The following GALK1 variants were observed in gnomAD, a reference collection of about 807,000 sequenced individuals.
The protein encoded by GALK1 is galactokinase 1.
A neutral mutation model predicts 38.6 loss-of-function variants in GALK1; 30 were observed. The ratio of observed to expected loss-of-function variants is 0.78; its 90% CI spans 0.58 to 1.05. GALK1 has a LOEUF of 1.05. GALK1 is among the 50% of genes least tolerant of loss of function. The pLI is 0.00. For synonymous variants in GALK1, 240 were observed against 233.6 expected (o/e 1.03, Z -0.25); for missense variants, 512 against 540.5 (o/e 0.95, Z 0.52).
chr17:75,754,422 G>A (rs2061439224), downstream of GALK1: 1 of 886,564 alleles, frequency 1.1e-6, no homozygotes, highest in Non-Finnish European at 1.8e-6. Context: ...CAGGGACAGA[G>A]GGCCTCTGTC....
At chr17:75,764,521 AC>A (rs978217251) in intron 1 of GALK1, 2 of 494,234 alleles carry the variant, frequency 4.0e-6, no homozygotes, top group African/African-American at 3.9e-5. Context: ...CTGCTGTGTG[AC>A]CTCCAGCAGT....
In GALK1 at chr17:75,763,093, C is replaced by T. The variant is rs1177598793; in HGVS notation, c.532G>A (p.Ala178Thr). The change falls in exon 4 of 8, where the codon GCA becomes ACA. Residue 178 changes from alanine (A) to threonine (T), a missense_variant. Coordinates refer to ENST00000588479, the MANE Select transcript of GALK1 (RefSeq NM_000154.2). ...QVCQQAEHSF[A>T]GMPCGIMDQF... ...TCCATGATGCCACAGGGCATCCCTG[C>T]GAAGCTGTGCTCGGCCTGCTGACAC... 7.4e-6 allele frequency: 12 copies of T among 1,612,676 alleles called. No individual in the cohort carries two copies. Among genetic ancestry groups the T allele is most frequent in the Middle Eastern group, 1.6e-4 (1 of 6,062 alleles).
intron 8 of GALK1, chr17:75,751,994 C>T (rs955024849): frequency 6.6e-6 from 5 of 756,922 alleles, no homozygotes; most frequent in Admixed American, 3.5e-5. Context: ...CATATGTCCA[C>T]GCCAGTCATG....
chr17:75,755,863 G>T, downstream of GALK1: 1 of 1,598,878 alleles, frequency 6.3e-7, no homozygotes. Flanking sequence ...GAGGCATGGT[G>T]GCTGCCAGGC....
chr17:75,756,416 C>T, downstream of GALK1: 2 of 1,613,156 alleles, frequency 1.2e-6, no homozygotes, highest in East Asian at 2.2e-5. Flanking sequence ...GTGCCCCCAC[C>T]TGATCCCCCC....
At chr17:75,764,286 G>A (rs563136106) in intron 1 of GALK1, 200 bp from the exon 2 acceptor site, 2 of 760,958 alleles carry the variant, frequency 2.6e-6, no homozygotes, top group Non-Finnish European at 4.8e-6. Context: ...CAGGGGCGGG[G>A]CGGCTGCAGC....
Position 75,763,959 on chromosome 17 carries a change from G to T in GALK1, c.293C>A (p.Ser98Ter). The T allele has an allele frequency of 1.2e-6, 2 of 1,613,470 alleles. No individual in the cohort carries two copies. Among genetic ancestry groups the T allele is most frequent in the South Asian group, 2.2e-5 (2 of 91,060 alleles). Residue 98 changes from serine (S) to a stop codon, truncating the protein, a stop_gained, in exon 2 of 8, where the codon TCG becomes TAG. Coordinates refer to ENST00000588479, the MANE Select transcript of GALK1 (RefSeq NM_000154.2). LOFTEE classifies it high-confidence loss of function. ...CCACCGAGGAGTCCCAGGCTCCAGC[G>T]AGCGCTGGGCTGTGGGCAGTGGAAA... Reference protein sequence around the residue: ...LQFPLPTAQRSLEPGTPRWAN... With the variant: ...LQFPLPTAQR
At chr17:75,754,872 C>G (rs182888921), downstream of GALK1, 66 of 1,612,018 alleles carry the variant, frequency 4.1e-5, no homozygotes, top group African/African-American at 6.1e-4. Flanking sequence ...CTTCCAGCTC[C>G]TGGAGCCTCG....
chr17:75,760,237 G>GC (rs2143595339), intron 5 of GALK1, among the ~76,000 whole-genome samples: 1 of 152,018 alleles, frequency 6.6e-6, no homozygotes, highest in Non-Finnish European at 1.5e-5. Flanking sequence ...AGGACTACAG[G>GC]CACACACCAC....
rs764855834 is a variant in GALK1, at chr17:75,758,257, T to C, written c.1060A>G (p.Thr354Ala). The C allele has an allele frequency of 1.0e-5, 16 of 1,599,100 alleles. No individual in the cohort carries two copies. In the African/African-American group the frequency reaches 2.1e-4, roughly 21 times the overall value. Residue 354 changes from threonine (T) to alanine (A), a missense_variant, in exon 7 of 8, where the codon ACA becomes GCA. Transcript: ENST00000588479. ...TGGGFGGCTVTLLEASAAPHA... is the reference protein window; with the variant it reads ...TGGGFGGCTVALLEASAAPHA... Reference sequence around the variant, plus strand: ...GGAGCAGCGGAGGCCTCCAGCAGTGTCACCGTGCAGCCACCGAAGCCACCG... The same window carrying C: ...GGAGCAGCGGAGGCCTCCAGCAGTGCCACCGTGCAGCCACCGAAGCCACCG...
In GALK1 at chr17:75,762,892, T is replaced by C; in HGVS notation, c.612-7A>G. The C allele has an allele frequency of 6.2e-7, 1 of 1,612,282 alleles. No individual in the cohort carries two copies. The highest frequency in any genetic ancestry group is 8.5e-7 in the Non-Finnish European group (1 of 1,179,684). ...CAGGCTGGTCTCCAAGGACCTGGGG[T>C]GGAGTTACAATGGGGGAGATGACGA... is the stretch of plus-strand genomic sequence containing the variant. On this transcript the variant is annotated splice_region_variant and splice_polypyrimidine_tract_variant and intron_variant, in intron 4 of 7. Transcript: ENST00000588479.
chr17:75,763,469 AG>A (rs1478333945), intron 2 of GALK1, 30 bp from the exon 3 acceptor site: 2 of 1,567,020 alleles, frequency 1.3e-6, no homozygotes, highest in Admixed American at 3.8e-5. Flanking sequence ...TGATGGTAAG[AG>A]GGGCTGCCTG....
chr17:75,756,688 C>A, downstream of GALK1: 1 of 1,613,478 alleles, frequency 6.2e-7, no homozygotes, highest in South Asian at 1.1e-5. Flanking sequence ...TGATGCTCTT[C>A]CTCTACTGCC....
chr17:75,761,903 C>T (rs1291892392), intron 5 of GALK1, among the ~76,000 whole-genome samples: 2 of 151,952 alleles, frequency 1.3e-5, no homozygotes, highest in Non-Finnish European at 2.9e-5. Context: ...GCCTGTAGTC[C>T]CAGCTACTCG....
chr17:75,762,910 G>T (rs750912670), intron 4 of GALK1, 25 bp from the exon 5 acceptor site: 1 of 1,612,768 alleles, frequency 6.2e-7, no homozygotes, highest in Non-Finnish European at 8.5e-7. Flanking sequence ...CAATGGGGGA[G>T]ATGACGAGGC....
At chr17:75,752,396 G>T (rs772059517) in intron 8 of GALK1, 1 of 1,612,582 alleles carries the variant, frequency 6.2e-7, no homozygotes, top group Non-Finnish European at 8.5e-7. Flanking sequence ...GACCGGGCAG[G>T]GGGGCAGGGG....
downstream of GALK1, chr17:75,753,686 C>G: frequency 1.0e-6 from 1 of 991,264 alleles, no homozygotes; most frequent in Non-Finnish European, 1.3e-6. Context: ...CCTCGCAGAG[C>G]CTACGGCCTT....
chr17:75,761,263 T>G lies in GALK1; in HGVS notation c.793+1441A>C, dbSNP rs189692190. 1.2e-3 allele frequency among the ~76,000 whole-genome samples: 178 copies of G among 150,730 alleles called. 1 individual carries two copies. Among genetic ancestry groups the G allele is most frequent in the Admixed American group, 0.011 (169 of 15,154 alleles). Reference sequence around the variant, plus strand: ...AAAAAAAGTTAATCACAGTGTGAGGTGTATCAGAAAATAGTTAAGTAAATG... The same window carrying G: ...AAAAAAAGTTAATCACAGTGTGAGGGGTATCAGAAAATAGTTAAGTAAATG... On this transcript the variant is annotated intron_variant, in intron 5 of 7. Transcript: ENST00000588479.
chr17:75,755,338 C>G, downstream of GALK1: 1 of 1,034,220 alleles, frequency 9.7e-7, no homozygotes, highest in Non-Finnish European at 1.4e-6. Flanking sequence ...CCCCGCCTGC[C>G]CACAGGCGCT....
Sources: allele counts gnomAD v4.1 joint callset (sites outside exome capture counted in the v4.1 genomes callset), GRCh38; gene constraint gnomAD v4.1.1; transcripts MANE v1.5; gene names NCBI Gene and HGNC (gene_info 2026-07-23, HGNC 2026-07-21).